The following YJU2 variants were observed in gnomAD, a reference collection of about 807,000 sequenced individuals.
YJU2 encodes YJU2 splicing factor homolog.
A neutral mutation model predicts 39.6 loss-of-function variants in YJU2; 28 were observed. The ratio of observed to expected loss-of-function variants is 0.71; its 90% CI spans 0.52 to 0.97. The LOEUF is 0.97. Ranked by LOEUF, YJU2 falls within the 50% of genes least tolerant of loss-of-function variation. The probability of loss-of-function intolerance (pLI) is 0.00; values close to 1 mark genes in which losing one functional copy is unlikely to be tolerated. For missense variants in YJU2, 328 were observed against 430.4 expected, an observed-to-expected ratio of 0.76 and a Z score of 2.11; for synonymous variants, 184 against 182.4, an observed-to-expected ratio of 1.01 and a Z score of -0.07.
intron 6 of YJU2, among the ~76,000 whole-genome samples, chr19:4,262,768 GGT>G (rs1241634523): frequency 1.3e-5 from 2 of 151,904 alleles, no homozygotes; most frequent in Non-Finnish European, 2.9e-5. Context: ...ATTAGTCATG[GGT>G]GGTGGTGCAT....
chr19:4,253,598 T>C (rs903215876), intron 3 of YJU2, among the ~76,000 whole-genome samples: 8 of 152,078 alleles, frequency 5.3e-5, no homozygotes, highest in Admixed American at 3.9e-4. Flanking sequence ...ATAAAAAACA[T>C]AGTGTTACTA....
chr19:4,256,397 A>G (rs1476282561), intron 4 of YJU2, among the ~76,000 whole-genome samples: 1 of 151,798 alleles, frequency 6.6e-6, no homozygotes, highest in Non-Finnish European at 1.5e-5. Context: ...AACATTTTCC[A>G]TGGCCATGCA....
intron 6 of YJU2, 142 bp from the exon 7 acceptor site, chr19:4,267,482 G>T: frequency 1.2e-6 from 1 of 837,664 alleles, no homozygotes; most frequent in East Asian, 2.7e-5. Flanking sequence ...GGGAGCCATA[G>T]AGGAGTTTAG....
chr19:4,261,858 T>A, intron 5 of YJU2, 136 bp from the exon 6 acceptor site: 28 of 659,870 alleles, frequency 4.2e-5, no homozygotes, highest in Middle Eastern at 2.8e-4. Context: ...GTGCTCCCCC[T>A]ACTCCCTCCC....
intron 6 of YJU2, among the ~76,000 whole-genome samples, chr19:4,265,980 G>A (rs1321425867): frequency 2.1e-5 from 3 of 141,502 alleles, no homozygotes; most frequent in Middle Eastern, 4.0e-3. Context: ...TCGAGACGGC[G>A]TCTCGCCCTG....
rs1339470159 is a variant in YJU2 at position 4,267,713 on chromosome 19, G to A, written c.798G>A (p.Val266=). ...SRPPLSRLVV[V]KKAKADPDCS... ...CCCCGCTGTCGAGGCTGGTCGTGGT[G>A]AAGAAGGCAAAGGCCGACCCGGACT... Residue 266 remains valine, a synonymous_variant, in exon 7 of 8, where the codon GTG becomes GTA. Transcript: ENST00000262962. 1 of 1,613,148 alleles carries A rather than the reference G, an allele frequency of 6.2e-7. No homozygotes were observed. The highest frequency in any genetic ancestry group is 8.5e-7 in the Non-Finnish European group (1 of 1,179,906).
intron 3 of YJU2, 132 bp from the exon 4 acceptor site, chr19:4,254,223 T>G: frequency 1.3e-6 from 1 of 745,160 alleles, no homozygotes; most frequent in Non-Finnish European, 2.3e-6. Context: ...GTCAAAGCAA[T>G]AAGACAAGAA....
intron 3 of YJU2, among the ~76,000 whole-genome samples, chr19:4,253,723 CAG>C (rs963090873): frequency 2.6e-5 from 4 of 152,132 alleles, no homozygotes; most frequent in African/African-American, 4.8e-5. Context: ...TAAACAAAAA[CAG>C]GGGCATGCTG....
chr19:4,247,413 C>T, intron 1 of YJU2: 1 of 471,172 alleles, frequency 2.1e-6, no homozygotes, highest in Non-Finnish European at 3.8e-6. Context: ...GTGGCTTGGG[C>T]TTTTACCCAA....
At chr19:4,259,149 C>G (rs8107397) in intron 5 of YJU2, among the ~76,000 whole-genome samples, 18,437 of 129,452 alleles carry the variant, frequency 0.14, 1,349 homozygotes, top group Non-Finnish European at 0.16. Context: ...GTGGCGCCAT[C>G]TCGCTCACTG....
chr19:4,252,353 C>T (rs945803448), intron 3 of YJU2, among the ~76,000 whole-genome samples: 11 of 151,854 alleles, frequency 7.2e-5, no homozygotes, highest in Admixed American at 5.9e-4. Context: ...AATCCCAGTA[C>T]TTTGGGAGGC....
chr19:4,262,689 G>T (rs1004697734), intron 6 of YJU2, among the ~76,000 whole-genome samples: 1 of 151,926 alleles, frequency 6.6e-6, no homozygotes, highest in South Asian at 2.1e-4. Context: ...CAGGAGGATC[G>T]CTTGAGGCCG....
chr19:4,256,543 G>C (rs1468354572), intron 4 of YJU2, among the ~76,000 whole-genome samples: 1 of 152,164 alleles, frequency 6.6e-6, no homozygotes, highest in Non-Finnish European at 1.5e-5. Flanking sequence ...GTCAGCTATT[G>C]CTACATAACA....
chr19:4,261,908 C>T, intron 5 of YJU2, 86 bp from the exon 6 acceptor site: 2 of 1,469,614 alleles, frequency 1.4e-6, no homozygotes, highest in Non-Finnish European at 1.9e-6. Context: ...CTCCAGGCAC[C>T]CAGGCCCCTC....
intron 4 of YJU2, among the ~76,000 whole-genome samples, chr19:4,256,927 A>G (rs1319401381): frequency 6.6e-6 from 1 of 152,172 alleles, no homozygotes; most frequent in African/African-American, 2.4e-5. Context: ...TTTCTGTCAT[A>G]TTCCATTAGA....
Position 4,268,867 on chromosome 19 carries a change from G to T in YJU2, c.*171G>T. ...CCACCAGGGGCCTCAGCCCCAGGAG[G>T]TCCCTTCTCTGTGCCCTCACCAGCC... is the stretch of plus-strand genomic sequence containing the variant. On this transcript the variant is annotated 3_prime_UTR_variant, in exon 8 of 8. Coordinates refer to ENST00000262962, the MANE Select transcript of YJU2 (RefSeq NM_018074.6). 1.7e-6 allele frequency: 1 copy of T among 599,750 alleles called. No homozygotes were observed. Among genetic ancestry groups the T allele is most frequent in the Non-Finnish European group, 3.0e-6 (1 of 337,286 alleles). The allele number at this position is 599,750 out of a possible 1,614,324, so 37.2% of individuals were successfully genotyped here. A position where few individuals can be genotyped will look rare whatever the true frequency, so the allele number is the denominator to read the frequency against.
chr19:4,260,677 T>A (rs1265718438), intron 5 of YJU2, among the ~76,000 whole-genome samples: 2 of 152,094 alleles, frequency 1.3e-5, no homozygotes, highest in African/African-American at 2.4e-5. Flanking sequence ...CCCAGGCTGG[T>A]CTCTAACCCC....
intron 6 of YJU2, among the ~76,000 whole-genome samples, chr19:4,267,286 T>C (rs1971123127): frequency 6.6e-6 from 1 of 151,876 alleles, no homozygotes; most frequent in Non-Finnish European, 1.5e-5. Context: ...TGTCTTGTGT[T>C]GGGTATTGAA....
At chr19:4,253,419 A>C (rs2144690633) in intron 3 of YJU2, among the ~76,000 whole-genome samples, 1 of 152,132 alleles carries the variant, frequency 6.6e-6, no homozygotes, top group South Asian at 2.1e-4. Context: ...TCTACCAAAA[A>C]GAAATTTAAA....
Sources: gnomAD v4.1 joint callset for allele counts (sites outside exome capture counted in the v4.1 genomes callset) on GRCh38, gnomAD v4.1.1 for gene constraint, MANE v1.5 for transcripts, NCBI Gene and HGNC (gene_info 2026-07-23, HGNC 2026-07-21) for gene names.